The following RPUSD1 variants were observed in gnomAD, a reference collection of about 807,000 sequenced individuals.
The protein encoded by RPUSD1 is RNA pseudouridine synthase domain containing 1, also known as pseudouridylate synthase RPUSD1.
In RPUSD1, 28 loss-of-function variants were observed where a neutral mutation model predicts 22.4. That is an observed-to-expected ratio of 1.25 (90% confidence interval 0.93 to 1.72). RPUSD1 has a LOEUF of 1.72. Ranked by LOEUF, RPUSD1 falls within the 40% of genes most tolerant of loss-of-function variation. The probability of loss-of-function intolerance (pLI) is 0.00; values close to 1 mark genes in which losing one functional copy is unlikely to be tolerated. For missense variants in RPUSD1, 596 were observed against 442.2 expected (o/e 1.35, Z -3.12); for synonymous variants, 298 against 201.0 (o/e 1.48, Z -4.08).
In RPUSD1 at chr16:787,916, T is replaced by C; in HGVS notation, c.-7-172A>G. 7 of 647,124 alleles carry C rather than the reference T, an allele frequency of 1.1e-5. No individual in the cohort carries two copies. In the South Asian group the frequency reaches 1.1e-4, roughly 11 times the overall value. The allele number at this position is 647,124 out of a possible 1,614,324, so 40.1% of individuals were successfully genotyped here. A position where few individuals can be genotyped will look rare whatever the true frequency, so the allele number is the denominator to read the frequency against. On this transcript the variant is annotated intron_variant, in intron 1 of 5. Transcript: ENST00000007264. ...GTCCCCGAGATCAGTCCCCAGGGCG[T>C]CAGCTGGGGAGTCAAGGAGTCAGCC...
chr16:787,958 G>A (rs2042014790), intron 1 of RPUSD1: 3 of 598,982 alleles, frequency 5.0e-6, no homozygotes, highest in East Asian at 5.6e-5. Flanking sequence ...GGGCTGACCT[G>A]AAGGGCCCTG....
intron 4 of RPUSD1, 27 bp downstream of exon 4, chr16:787,050 C>A (rs373065454): frequency 1.3e-6 from 2 of 1,595,568 alleles, no homozygotes; most frequent in Non-Finnish European, 1.7e-6. Flanking sequence ...CCACGATGCC[C>A]GCCCGGTGGG....
At chr16:786,522 G>C in intron 5 of RPUSD1, 145 bp from the exon 6 acceptor site, 1 of 802,176 alleles carries the variant, frequency 1.2e-6, no homozygotes. Flanking sequence ...CCCCTGCCAT[G>C]AGTGAGGATG....
In RPUSD1 at chr16:788,342, C is replaced by A; in HGVS notation, c.-94G>T. On this transcript the variant is annotated 5_prime_UTR_variant, in exon 1 of 6. Coordinates refer to ENST00000007264, the MANE Select transcript of RPUSD1 (RefSeq NM_058192.3). ...CGCCCGCGCGCTGGCGACCCAGAGACCCTGGAAGCTCCGCTCCGGACGCCT... is the reference window on the plus strand; with the variant it reads ...CGCCCGCGCGCTGGCGACCCAGAGAACCTGGAAGCTCCGCTCCGGACGCCT... 4.9e-6 allele frequency: 1 copy of A among 204,406 alleles called. No homozygotes were observed. Among genetic ancestry groups the A allele is most frequent in the Non-Finnish European group, 9.8e-6 (1 of 102,560 alleles). 12.7% of individuals were successfully genotyped at this position (204,406 alleles called of 1,614,324 possible).
rs554673131 is a variant in RPUSD1 at position 785,046 on chromosome 16, G to C, written c.*904C>G. The C allele has an allele frequency of 1.3e-5, 2 of 152,400 alleles. No homozygotes were observed. The highest frequency in any genetic ancestry group is 2.9e-5 in the Non-Finnish European group (2 of 68,130). The allele number at this position is 152,400 out of a possible 1,614,324, so 9.4% of individuals were successfully genotyped here. A position where few individuals can be genotyped will look rare whatever the true frequency, so the allele number is the denominator to read the frequency against. ...GCTGTAGCCAGGAGCCCAGGTTGTG[G>C]CATGGGGGACAGAGGAGGTGGGACC... On this transcript the variant is annotated 3_prime_UTR_variant, in exon 6 of 6. Transcript: ENST00000007264.
chr16:785,927 C>T lies in RPUSD1; in HGVS notation c.*23G>A, dbSNP rs2041887663. 7.0e-7 allele frequency: 1 copy of T among 1,427,756 alleles called. No individual in the cohort carries two copies. The highest frequency in any genetic ancestry group is 1.5e-5 in the South Asian group (1 of 66,052). 88.4% of individuals were successfully genotyped at this position (1,427,756 alleles called of 1,614,324 possible). A position where few individuals can be genotyped will look rare whatever the true frequency, so the allele number is the denominator to read the frequency against. ...TAGAGTCCCGCTGTGCAGCTGACAC[C>T]CCCTGCCCCAGCCCCACGGCTCTCA... On this transcript the variant is annotated 3_prime_UTR_variant, in exon 6 of 6. Transcript: ENST00000007264.
intron 5 of RPUSD1, 163 bp downstream of exon 5, chr16:786,664 G>C (rs1472721200): frequency 2.6e-6 from 2 of 758,050 alleles, no homozygotes; most frequent in Admixed American, 2.0e-5. Flanking sequence ...GGGACCCTGT[G>C]TCAGGTGAGA....
chr16:786,906 G>A lies in RPUSD1; in HGVS notation c.432C>T (p.Ser144=), dbSNP rs769178615. 2 of 1,613,268 alleles carry A rather than the reference G, an allele frequency of 1.2e-6. No homozygotes were observed. The highest frequency in any genetic ancestry group is 1.7e-6 in the Non-Finnish European group (2 of 1,179,868). Residue 144 remains serine (S), a synonymous_variant, in exon 5 of 6, where the codon AGC becomes AGT. Transcript: ENST00000007264. ...GSQGCENPKP[S]LTDLVVLEHG... ...GTTCCAGAACCACGAGATCTGTGAG[G>A]CTTGGCTTTGGGTTCTCACAACCTG...
At position 786,071 on chromosome 16, in the gene RPUSD1, G is replaced by C. The variant is rs1396725024; in HGVS notation, c.818C>G (p.Ser273Cys). Reference sequence around the variant, plus strand: ...CCGGCCGGGCCCAGGCAGGAGTGCGGAGGGGCTGCCTGGCCTGGGGCCCCT... The same window carrying C: ...CCGGCCGGGCCCAGGCAGGAGTGCGCAGGGGCTGCCTGGCCTGGGGCCCCT... ...EDRGPRPGSP[S>C]ALLPGPGRPP... Residue 273 changes from serine (S) to cysteine (C), a missense_variant, in exon 6 of 6, where the codon TCC (serine) becomes TGC (cysteine). By Grantham distance (112) the Ser-to-Cys change is moderately radical. Transcript: ENST00000007264. The C allele has an allele frequency of 6.4e-7, 1 of 1,558,636 alleles. No homozygotes were observed.
Position 787,086 on chromosome 16 carries a change from C to T in RPUSD1, c.400G>A (p.Gly134Ser). 21 of 1,606,278 alleles carry T rather than the reference C, an allele frequency of 1.3e-5. No individual in the cohort carries two copies. The highest frequency in any genetic ancestry group is 1.7e-5 in the Non-Finnish European group (20 of 1,177,914). ...TCCCTGCCTGCCACACCCTGCGAGCCCTCGATGCACATGGTGTGGGCCCGG... is the reference window on the plus strand; with the variant it reads ...TCCCTGCCTGCCACACCCTGCGAGCTCTCGATGCACATGGTGTGGGCCCGG... The part of the protein sequence containing the change: ...EGRAHTMCIE[G>S]SQGCENPKPS... The change falls in exon 4 of 6, where the codon GGC becomes AGC. Residue 134 changes from glycine (G) to serine (S), a missense_variant. Coordinates refer to ENST00000007264, the MANE Select transcript of RPUSD1 (RefSeq NM_058192.3).
At chr16:787,961 G>A (rs1420501717) in intron 1 of RPUSD1, 4 of 597,388 alleles carry the variant, frequency 6.7e-6, no homozygotes, top group East Asian at 2.8e-5. Flanking sequence ...CTGACCTGAA[G>A]GGCCCTGCCT....
At position 786,461 on chromosome 16, in the gene RPUSD1, A is replaced by G. The variant is rs535630760; in HGVS notation, c.512-84T>C. The G allele has an allele frequency of 1.9e-5, 27 of 1,385,208 alleles. No individual in the cohort carries two copies. In the African/African-American group the frequency reaches 3.7e-4, roughly 19 times the overall value. The allele number at this position is 1,385,208 out of a possible 1,614,324, so 85.8% of individuals were successfully genotyped here. On this transcript the variant is annotated intron_variant, in intron 5 of 5. Coordinates refer to ENST00000007264, the MANE Select transcript of RPUSD1 (RefSeq NM_058192.3). ...CCCTGACCAGGACCCACCTCCCGTC[A>G]TGACCCCGCTGCAGTCTTGAAGCAG... is the stretch of plus-strand genomic sequence containing the variant.
In RPUSD1 at chr16:785,210, G is replaced by C. The variant is rs1460876864; in HGVS notation, c.*740C>G. 4 of 152,606 alleles carry C rather than the reference G, an allele frequency of 2.6e-5. No individual in the cohort carries two copies. Among genetic ancestry groups the C allele is most frequent in the African/African-American group, 9.6e-5 (4 of 41,592 alleles). The allele number at this position is 152,606 out of a possible 1,614,324, so 9.5% of individuals were successfully genotyped here. A position where few individuals can be genotyped will look rare whatever the true frequency, so the allele number is the denominator to read the frequency against. On this transcript the variant is annotated 3_prime_UTR_variant, in exon 6 of 6. Transcript: ENST00000007264. ...CTGCAGCAGGTTGGTGCTCACAGTG[G>C]ATCTGAGGGATGGGCGTGCGTGGCA...
At position 786,551 on chromosome 16, in the gene RPUSD1, G is replaced by A. The variant is rs367998671; in HGVS notation, c.512-174C>T. ...GAGGATGACAGTATTTAGGACAGAAGATTGTGTTCAGGTCACCACTGGTGA... is the reference window on the plus strand; with the variant it reads ...GAGGATGACAGTATTTAGGACAGAAAATTGTGTTCAGGTCACCACTGGTGA... On this transcript the variant is annotated intron_variant, in intron 5 of 5. Transcript: ENST00000007264. The A allele has an allele frequency of 2.2e-4, 174 of 779,870 alleles. 1 individual carries two copies. Among genetic ancestry groups the A allele is most frequent in the East Asian group, 1.2e-3 (44 of 37,382 alleles). The allele number at this position is 779,870 out of a possible 1,614,324, so 48.3% of individuals were successfully genotyped here.
At chr16:786,961 G>A (rs748829768) in intron 4 of RPUSD1, 33 bp from the exon 5 acceptor site, 45 of 1,597,610 alleles carry the variant, frequency 2.8e-5, no homozygotes, top group African/African-American at 2.7e-5. Context: ...GAGGTTAGTG[G>A]GACTGACCCG....
Position 786,293 on chromosome 16 carries a change from C to A in RPUSD1, c.596G>T (p.Arg199Leu), listed in dbSNP as rs780902067. 2 of 1,612,740 alleles carry A rather than the reference C, an allele frequency of 1.2e-6. No homozygotes were observed. The highest frequency in any genetic ancestry group is 1.7e-6 in the Non-Finnish European group (2 of 1,179,930). ...CATCATTCTGAACGGCCGGTCCTCC[C>A]GGCCCGAGACTTCTCCGTAGGTCAG... ...GDLTYGEVSG[R>L]EDRPFRMMLH... Residue 199 changes from arginine to leucine, a missense_variant, in exon 6 of 6, where the codon CGG becomes CTG. By Grantham distance (102) the Arg-to-Leu change is moderately radical (BLOSUM62 -2). Coordinates refer to ENST00000007264, the MANE Select transcript of RPUSD1 (RefSeq NM_058192.3).
chr16:787,950 G>A (rs2042014334), intron 1 of RPUSD1: 10 of 606,156 alleles, frequency 1.6e-5, no homozygotes, highest in South Asian at 1.2e-4. Context: ...CCTGCTCCGG[G>A]CTGACCTGAA....
At chr16:786,709 C>T in intron 5 of RPUSD1, 118 bp downstream of exon 5, 1 of 875,460 alleles carries the variant, frequency 1.1e-6, no homozygotes, top group South Asian at 1.3e-5. Flanking sequence ...GTTAAGAACG[C>T]AGGAGTGCTT....
chr16:787,517 C>T (rs1409532874), intron 2 of RPUSD1, 39 bp downstream of exon 2: 7 of 1,598,964 alleles, frequency 4.4e-6, no homozygotes, highest in African/African-American at 1.3e-5. Context: ...CCACTTTCCT[C>T]CACAGACGCC....
Sources: allele counts gnomAD v4.1 joint callset, GRCh38; gene constraint gnomAD v4.1.1; transcripts MANE v1.5; gene names NCBI Gene and HGNC (gene_info 2026-07-23, HGNC 2026-07-21).